Variants in CREB3L2 observed in about 807,000 individuals in gnomAD.
CREB3L2 encodes cAMP responsive element binding protein 3 like 2.
In CREB3L2, 23 loss-of-function variants were observed where a neutral mutation model predicts 57.2. The ratio of observed to expected loss-of-function variants is 0.40; its 90% CI spans 0.29 to 0.57. CREB3L2 has a LOEUF of 0.57. CREB3L2 is among the 20% of genes least tolerant of loss of function. The pLI is 0.42. For synonymous variants in CREB3L2, 268 were observed against 265.1 expected (o/e 1.01, Z -0.11); for missense variants, 628 against 634.7 (o/e 0.99, Z 0.11).
intron 1 of CREB3L2, among the ~76,000 whole-genome samples, chr7:137,941,526 C>T (rs539536868): frequency 5.3e-4 from 80 of 152,182 alleles, no homozygotes; most frequent in Non-Finnish European, 9.1e-4. Context: ...CTAAGTGCTA[C>T]CAGAATCCAA....
intron 1 of CREB3L2, among the ~76,000 whole-genome samples, chr7:137,984,004 G>C (rs929029755): frequency 2.6e-5 from 4 of 152,200 alleles, no homozygotes; most frequent in African/African-American, 9.7e-5. Flanking sequence ...TGGGGATCAG[G>C]GGATGAGCAG....
chr7:137,969,340 C>CTTT (rs71177936), intron 1 of CREB3L2, among the ~76,000 whole-genome samples: 743 of 77,012 alleles, frequency 9.6e-3, no homozygotes, highest in Middle Eastern at 0.019. Context: ...TTATGATCTT[C>CTTT]TTTTTTTTTT....
intron 1 of CREB3L2, among the ~76,000 whole-genome samples, chr7:137,974,521 G>T (rs1315710716): frequency 2.0e-5 from 3 of 152,220 alleles, no homozygotes; most frequent in Non-Finnish European, 4.4e-5. Context: ...TGTCAGGGAA[G>T]AAATCTTTGA....
intron 2 of CREB3L2, among the ~76,000 whole-genome samples, chr7:137,921,701 A>G (rs1800280307): frequency 6.6e-6 from 1 of 152,240 alleles, no homozygotes; most frequent in African/African-American, 2.4e-5. Context: ...CCAATCCACT[A>G]TGCCAAAGGG....
At chr7:137,969,222 G>C (rs902288718) in intron 1 of CREB3L2, among the ~76,000 whole-genome samples, 1 of 152,020 alleles carries the variant, frequency 6.6e-6, no homozygotes, top group Non-Finnish European at 1.5e-5. Flanking sequence ...TGATAAATTG[G>C]ATCAGAAAAA....
intron 4 of CREB3L2, among the ~76,000 whole-genome samples, chr7:137,909,268 T>C (rs1799956988): frequency 6.6e-6 from 1 of 152,174 alleles, no homozygotes; most frequent in Non-Finnish European, 1.5e-5. Context: ...GTGGGGGGAC[T>C]TTCTCCTCTA....
chr7:137,933,078 T>C (rs892022381), intron 1 of CREB3L2, among the ~76,000 whole-genome samples: 3 of 152,226 alleles, frequency 2.0e-5, no homozygotes, highest in Admixed American at 2.0e-4. Context: ...TACAACAATC[T>C]AAGTCAGCAT....
chr7:137,957,186 T>A (rs1801233220), intron 1 of CREB3L2, among the ~76,000 whole-genome samples: 1 of 150,860 alleles, frequency 6.6e-6, no homozygotes, highest in Non-Finnish European at 1.5e-5. Flanking sequence ...TCCACTTCCC[T>A]CCCTTCTCCA....
intron 1 of CREB3L2, among the ~76,000 whole-genome samples, chr7:137,983,917 C>T (rs917959767): frequency 1.8e-4 from 28 of 152,178 alleles, no homozygotes; most frequent in African/African-American, 6.5e-4. Flanking sequence ...TGATTCCCAT[C>T]CGCACACTGC....
chr7:137,941,955 C>T (rs1405206500), intron 1 of CREB3L2, among the ~76,000 whole-genome samples: 1 of 152,116 alleles, frequency 6.6e-6, no homozygotes. Context: ...TGAACTCGGT[C>T]GATTCTAGTT....
chr7:137,990,065 T>C (rs529513160), intron 1 of CREB3L2, among the ~76,000 whole-genome samples: 12 of 152,344 alleles, frequency 7.9e-5, no homozygotes, highest in African/African-American at 2.9e-4. Flanking sequence ...GTCTGGTCTC[T>C]CTTGTTAAAA....
intron 1 of CREB3L2, among the ~76,000 whole-genome samples, chr7:137,990,681 C>T (rs1406459700): frequency 4.6e-5 from 7 of 152,122 alleles, no homozygotes; most frequent in African/African-American, 1.4e-4. Flanking sequence ...ATTTAAATTT[C>T]GGTTTAACAC....
intron 1 of CREB3L2, among the ~76,000 whole-genome samples, chr7:137,966,722 G>A (rs1801413769): frequency 1.3e-5 from 2 of 152,144 alleles, no homozygotes; most frequent in Admixed American, 6.5e-5. Flanking sequence ...GTTCATCAAA[G>A]CTCCCCTGCA....
rs531697398 is a variant in CREB3L2 at position 137,948,745 on chromosome 7, C to T, written c.103-20379G>A. 5.3e-5 allele frequency among the ~76,000 whole-genome samples: 8 copies of T among 152,258 alleles called. No homozygotes were observed. The East Asian group carries it at 1.4e-3, about 26-fold the overall frequency. On this transcript the variant is annotated intron_variant, in intron 1 of 11. Transcript: ENST00000330387. ...TAACTGAAGAATAGCCTCATGAAAA[C>T]GAATTGACCATTCCTATCCAGTTAT...
At chr7:137,886,196 GA>G (rs1585590948) in intron 8 of CREB3L2, among the ~76,000 whole-genome samples, 2 of 152,184 alleles carry the variant, frequency 1.3e-5, no homozygotes, top group East Asian at 1.9e-4. Context: ...AACAGACTAA[GA>G]AAATGTCGAT....
intron 1 of CREB3L2, among the ~76,000 whole-genome samples, chr7:138,000,668 A>G (rs1342534540): frequency 1.3e-5 from 2 of 152,266 alleles, no homozygotes; most frequent in Non-Finnish European, 2.9e-5. Flanking sequence ...TGGTTTTCTC[A>G]TTAGTGTCCC....
chr7:137,922,663 A>G (rs1563253656), intron 2 of CREB3L2: 3 of 447,830 alleles, frequency 6.7e-6, no homozygotes, highest in South Asian at 1.6e-5. Flanking sequence ...TCACAAGCAG[A>G]TTTTTTTCAA....
intron 8 of CREB3L2, among the ~76,000 whole-genome samples, chr7:137,888,072 C>T (rs574222108): frequency 4.3e-4 from 66 of 152,266 alleles, no homozygotes; most frequent in Non-Finnish European, 9.0e-4. Context: ...CCTGCCTCAG[C>T]CTCCTGAGTA....
chr7:137,888,721 G>A (rs1245491888), intron 8 of CREB3L2, among the ~76,000 whole-genome samples: 1 of 151,974 alleles, frequency 6.6e-6, no homozygotes, highest in Non-Finnish European at 1.5e-5. Context: ...TTCCTGCTAA[G>A]CTATGAAAAG....
Sources: gnomAD v4.1 joint callset for allele counts (sites outside exome capture counted in the v4.1 genomes callset) on GRCh38, gnomAD v4.1.1 for gene constraint, MANE v1.5 for transcripts, NCBI Gene and HGNC (gene_info 2026-07-23, HGNC 2026-07-21) for gene names.